The following NETO1 variants were observed in gnomAD, a reference collection of about 807,000 sequenced individuals.
NETO1 encodes neuropilin and tolloid like 1.
Under a neutral mutation model 61.3 loss-of-function variants are expected in NETO1, and 26 were observed. The observed-to-expected ratio is 0.42, with a 90% CI of 0.31 to 0.59. NETO1 has a LOEUF of 0.59. Ranked by LOEUF, NETO1 falls within the 20% of genes least tolerant of loss-of-function variation. The pLI is 0.12. For synonymous variants in NETO1, 225 were observed against 225.8 expected (o/e 1.00, Z 0.03); for missense variants, 531 against 662.8 (o/e 0.80, Z 2.18).
At chr18:72,821,922 G>T (rs564325310) in intron 4 of NETO1, among the ~76,000 whole-genome samples, 1 of 152,290 alleles carries the variant, frequency 6.6e-6, no homozygotes, top group East Asian at 1.9e-4. Context: ...ACTCAACTGG[G>T]TTACAGACTT....
intron 7 of NETO1, among the ~76,000 whole-genome samples, chr18:72,781,575 C>G (rs2071741914): frequency 6.6e-6 from 1 of 152,144 alleles, no homozygotes; most frequent in Non-Finnish European, 1.5e-5. Context: ...GGTGTCAAGA[C>G]TTAGAAAGAC....
chr18:72,781,692 C>A (rs1359064282), intron 7 of NETO1, among the ~76,000 whole-genome samples: 1 of 152,162 alleles, frequency 6.6e-6, no homozygotes, highest in Non-Finnish European at 1.5e-5. Flanking sequence ...CTGTCTAACA[C>A]ACTTAACATT....
chr18:72,781,066 C>T (rs1040106108), intron 7 of NETO1, among the ~76,000 whole-genome samples: 2 of 152,008 alleles, frequency 1.3e-5, no homozygotes, highest in African/African-American at 4.8e-5. Context: ...ACCACAGGAC[C>T]GTCCTAGGCA....
At position 72,864,545 on chromosome 18, in the gene NETO1, A is replaced by G. The variant is rs150195523; in HGVS notation, c.220+263T>C. ...TCTACTGCATGAGAACTCTAAATCA[A>G]TTAAGCCAACAGCAAAATAAACTCC... On this transcript the variant is annotated intron_variant, in intron 3 of 10. Coordinates refer to ENST00000327305, the MANE Select transcript of NETO1 (RefSeq NM_138966.5). Among the ~76,000 whole-genome samples the G allele has an allele frequency of 7.5e-4, 114 of 152,370 alleles. 2 individuals are homozygous for G. The East Asian group carries it at 0.016, about 21-fold the overall frequency.
chr18:72,846,647 T>A (rs1307590490), intron 4 of NETO1, among the ~76,000 whole-genome samples: 1 of 152,072 alleles, frequency 6.6e-6, no homozygotes, highest in South Asian at 2.1e-4. Context: ...TTTGTATTTT[T>A]TTATAATCTT....
At chr18:72,823,023 T>TCAAG (rs2073251507) in intron 4 of NETO1, among the ~76,000 whole-genome samples, 4 of 152,184 alleles carry the variant, frequency 2.6e-5, no homozygotes, top group Admixed American at 2.6e-4. Flanking sequence ...AGCATCTCTG[T>TCAAG]ATGTTTTGAC....
chr18:72,783,655 T>C (rs550033568), intron 7 of NETO1, 23 bp downstream of exon 7: 30 of 1,604,382 alleles, frequency 1.9e-5, no homozygotes, highest in Non-Finnish European at 2.5e-5. Flanking sequence ...GAAGGAAAAA[T>C]AGTCAAGTGC....
chr18:72,849,650 A>G (rs2074191952), intron 4 of NETO1, among the ~76,000 whole-genome samples: 1 of 152,230 alleles, frequency 6.6e-6, no homozygotes, highest in African/African-American at 2.4e-5. Flanking sequence ...TTAGGAAATA[A>G]AATCAAGTAT....
At chr18:72,848,009 C>A (rs1263012559) in intron 4 of NETO1, among the ~76,000 whole-genome samples, 3 of 152,178 alleles carry the variant, frequency 2.0e-5, no homozygotes, top group Non-Finnish European at 4.4e-5. Flanking sequence ...ATATTCAAAG[C>A]CAACAGAGAT....
chr18:72,780,442 TAC>T (rs1277529963), intron 7 of NETO1, among the ~76,000 whole-genome samples: 1 of 152,200 alleles, frequency 6.6e-6, no homozygotes, highest in Non-Finnish European at 1.5e-5. Context: ...GCAACATATA[TAC>T]AGTTCACCAT....
intron 7 of NETO1, among the ~76,000 whole-genome samples, chr18:72,772,749 C>CTCTCTCTA (rs1344703171): frequency 5.2e-4 from 14 of 27,142 alleles, no homozygotes; most frequent in South Asian, 2.0e-3. Context: ...ACACATCTCT[C>CTCTCTCTA]TATATATATC....
intron 4 of NETO1, among the ~76,000 whole-genome samples, chr18:72,807,754 A>C (rs62091914): frequency 0.071 from 1,224 of 17,236 alleles, 25 homozygotes; most frequent in South Asian, 0.46. Flanking sequence ...ACACACACAC[A>C]CCCATACTGT....
At chr18:72,867,089 C>G (rs1795261864) in intron 1 of NETO1, 175 bp downstream of exon 1, 1 of 498,220 alleles carries the variant, frequency 2.0e-6, no homozygotes, top group African/African-American at 2.0e-5. Flanking sequence ...CGCGCCGCCC[C>G]CACGCCCGGT....
chr18:72,824,190 C>A (rs966680102), intron 4 of NETO1, among the ~76,000 whole-genome samples: 1 of 152,182 alleles, frequency 6.6e-6, no homozygotes, highest in Admixed American at 6.5e-5. Flanking sequence ...TTGTTTTGAT[C>A]TCAGTAAATA....
intron 4 of NETO1, among the ~76,000 whole-genome samples, chr18:72,832,159 T>C (rs947418619): frequency 5.3e-5 from 8 of 152,196 alleles, no homozygotes; most frequent in African/African-American, 1.9e-4. Context: ...ATATTCAGAA[T>C]TCTTGCTAAT....
chr18:72,752,419 C>G (rs2070650728), intron 8 of NETO1, among the ~76,000 whole-genome samples: 1 of 152,100 alleles, frequency 6.6e-6, no homozygotes, highest in Admixed American at 6.6e-5. Context: ...CCGTGTTGCC[C>G]AAGGCTGATG....
chr18:72,796,111 T>G (rs1310602699), intron 4 of NETO1, among the ~76,000 whole-genome samples: 1 of 152,224 alleles, frequency 6.6e-6, no homozygotes, highest in East Asian at 1.9e-4. Context: ...AATTCAGGAC[T>G]GCAATATAAA....
chr18:72,867,169 C>G, intron 1 of NETO1, 95 bp downstream of exon 1: 1 of 925,242 alleles, frequency 1.1e-6, no homozygotes. Flanking sequence ...TCCGCCGGAG[C>G]GCGGCGCAGA....
chr18:72,831,478 T>A (rs966683006), intron 4 of NETO1, among the ~76,000 whole-genome samples: 6 of 152,178 alleles, frequency 3.9e-5, no homozygotes, highest in African/African-American at 1.4e-4. Flanking sequence ...AATTTTAACA[T>A]CTCTGTAATT....
Sources: allele counts gnomAD v4.1 joint callset (sites outside exome capture counted in the v4.1 genomes callset), GRCh38; gene constraint gnomAD v4.1.1; transcripts MANE v1.5; gene names NCBI Gene and HGNC (gene_info 2026-07-23, HGNC 2026-07-21).